The following CEP192 variants were observed in gnomAD, a reference collection of about 807,000 sequenced individuals.
CEP192 encodes centrosomal protein 192, also known as centrosomal protein of 192 kDa.
In CEP192, 151 loss-of-function variants were observed where a neutral mutation model predicts 271.8. The ratio of observed to expected loss-of-function variants is 0.56; its 90% confidence interval spans 0.49 to 0.64. The LOEUF (loss-of-function observed/expected upper bound fraction) is 0.64. CEP192 is among the 30% of genes least tolerant of loss of function. The pLI is 0.00. For missense variants in CEP192, 2,910 were observed against 3,020.5 expected (o/e 0.96, Z 0.86); for synonymous variants, 995 against 1,076.5 (o/e 0.92, Z 1.48).
chr18:13,029,065 C>A (rs1159473650), intron 9 of CEP192, among the ~76,000 whole-genome samples: 8 of 152,160 alleles, frequency 5.3e-5, no homozygotes, highest in African/African-American at 1.9e-4. Context: ...AGCCAAATGT[C>A]CACTAACAGT....
intron 3 of CEP192, 127 bp from the exon 4 acceptor site, chr18:13,008,329 A>G: frequency 2.9e-6 from 2 of 684,408 alleles, no homozygotes; most frequent in Non-Finnish European, 4.9e-6. Flanking sequence ...CTAGACTCAA[A>G]TGTTTCTTTT....
At chr18:13,054,692 T>C (rs948701576) in intron 18 of CEP192, among the ~76,000 whole-genome samples, 2 of 152,240 alleles carry the variant, frequency 1.3e-5, no homozygotes, top group Non-Finnish European at 2.9e-5. Flanking sequence ...TGGATACATA[T>C]TATTTGTTAT....
chr18:13,044,102 C>G (rs1051455817), intron 15 of CEP192, among the ~76,000 whole-genome samples: 1 of 151,984 alleles, frequency 6.6e-6, no homozygotes, highest in Non-Finnish European at 1.5e-5. Flanking sequence ...TGTTTCTTAA[C>G]TTTATTTTCT....
intron 11 of CEP192, among the ~76,000 whole-genome samples, chr18:13,036,156 A>AG (rs2035904108): frequency 6.6e-6 from 1 of 151,440 alleles, no homozygotes; most frequent in Non-Finnish European, 1.5e-5. Flanking sequence ...AAAAAAAAAA[A>AG]AAGTGTTTTG....
intron 9 of CEP192, chr18:13,024,349 C>G (rs1315099516): frequency 2.2e-6 from 1 of 456,166 alleles, no homozygotes. Context: ...GTATATCTTT[C>G]TCCATCCATT....
intron 1 of CEP192, among the ~76,000 whole-genome samples, chr18:12,991,744 T>C (rs1441629605): frequency 6.6e-6 from 1 of 152,252 alleles, no homozygotes; most frequent in African/African-American, 2.4e-5. Flanking sequence ...TCCTCCCCTC[T>C]TGTCTGGGGA....
Position 13,019,207 on chromosome 18 carries a change from G to T in CEP192, c.1050+1G>T. 1 of 1,494,864 alleles carries T rather than the reference G, an allele frequency of 6.7e-7. No homozygotes were observed. The highest frequency in any genetic ancestry group is 8.9e-7 in the Non-Finnish European group (1 of 1,126,462). 92.6% of individuals were successfully genotyped at this position (1,494,864 alleles called of 1,614,324 possible). A position where few individuals can be genotyped will look rare whatever the true frequency, so the allele number is the denominator to read the frequency against. On this transcript the variant is annotated splice_donor_variant, in intron 9 of 44. Coordinates refer to ENST00000506447, the MANE Select transcript of CEP192 (RefSeq NM_032142.4). LOFTEE classifies it high-confidence loss of function. ...GGGTATTGTTCCAGATCTTAACAGT[G>T]TAAGTTATGCATTTTTCTTAGATTT...
chr18:13,085,496 T>A (rs112514684), intron 30 of CEP192, among the ~76,000 whole-genome samples: 3 of 152,104 alleles, frequency 2.0e-5, no homozygotes, highest in Admixed American at 6.5e-5. Context: ...TGGTATTGCC[T>A]AGGTTTTCTT....
At chr18:13,089,593 T>A (rs376969504) in intron 33 of CEP192, 28 bp downstream of exon 33, 60 of 1,112,762 alleles carry the variant, frequency 5.4e-5, no homozygotes, top group Non-Finnish European at 8.1e-5. Context: ...TCTTGATGTA[T>A]TAAATCTTTT....
intron 4 of CEP192, among the ~76,000 whole-genome samples, chr18:13,009,435 A>AT (rs890667256): frequency 2.9e-4 from 44 of 152,136 alleles, no homozygotes; most frequent in Middle Eastern, 3.4e-3. Context: ...TTCTAAGCCT[A>AT]TTTTTTTTAT....
chr18:13,023,144 A>G (rs1200927815), intron 9 of CEP192, among the ~76,000 whole-genome samples: 1 of 152,126 alleles, frequency 6.6e-6, no homozygotes, highest in South Asian at 2.1e-4. Flanking sequence ...TTTCTTCCCA[A>G]TCTATATACA....
At chr18:13,060,746 G>A (rs1047583269) in intron 21 of CEP192, among the ~76,000 whole-genome samples, 1 of 151,926 alleles carries the variant, frequency 6.6e-6, no homozygotes, top group African/African-American at 2.4e-5. Context: ...AACATAGTGA[G>A]ACCATGTCTC....
rs563248173 is a variant in CEP192, at chr18:13,057,680, C to G, written c.4204C>G (p.Arg1402Gly). The change falls in exon 20 of 45, where the codon CGC (arginine) becomes GGC (glycine). Residue 1402 changes from arginine to glycine, a missense_variant. Coordinates refer to ENST00000506447, the MANE Select transcript of CEP192 (RefSeq NM_032142.4). ...CCTCAGTGTGCTTAATCCAACTGACCGCTGGCTGCAAGTCAGCATTGGGGT... is the reference window on the plus strand; with the variant it reads ...CCTCAGTGTGCTTAATCCAACTGACGGCTGGCTGCAAGTCAGCATTGGGGT... The part of the protein sequence containing the change: ...TLLSVLNPTD[R>G]WLQVSIGVLS... 3.1e-6 allele frequency: 5 copies of G among 1,614,028 alleles called. No homozygotes were observed. The South Asian group carries it at 4.4e-5, about 14-fold the overall frequency.
intron 7 of CEP192, 80 bp from the exon 8 acceptor site, chr18:13,018,400 T>C (rs1316475301): frequency 1.3e-5 from 11 of 869,232 alleles, no homozygotes; most frequent in Non-Finnish European, 1.8e-5. Flanking sequence ...CTGGCATCCT[T>C]CAGTAAAGCC....
In CEP192 at chr18:13,069,874, T is replaced by C. The variant is rs769038340; in HGVS notation, c.5174+18T>C. ...GAGGAAAGGTAATATAAAAATGTTATAATGGACCGGGCACAGTGGCTCATG... is the reference window on the plus strand; with the variant it reads ...GAGGAAAGGTAATATAAAAATGTTACAATGGACCGGGCACAGTGGCTCATG... On this transcript the variant is annotated intron_variant, in intron 27 of 44. Transcript: ENST00000506447. The C allele has an allele frequency of 7.0e-7, 1 of 1,436,812 alleles. No individual in the cohort carries two copies. Among genetic ancestry groups the C allele is most frequent in the Non-Finnish European group, 9.8e-7 (1 of 1,020,612 alleles). 89.0% of individuals were successfully genotyped at this position (1,436,812 alleles called of 1,614,324 possible).
chr18:13,123,646 C>G (rs547084), intron 44 of CEP192, among the ~76,000 whole-genome samples: 103,797 of 152,022 alleles, frequency 0.68, 36,073 homozygotes, highest in African/African-American at 0.81. Context: ...TAAGCCTAGA[C>G]GTTGATGACA....
intron 5 of CEP192, among the ~76,000 whole-genome samples, chr18:13,015,008 G>A (rs958899710): frequency 4.5e-4 from 69 of 152,054 alleles, no homozygotes; most frequent in Admixed American, 4.0e-3. Flanking sequence ...TCACTTTCTC[G>A]TAAGCCTTGT....
chr18:13,030,914 G>A (rs1030305162), intron 11 of CEP192, among the ~76,000 whole-genome samples: 1 of 152,150 alleles, frequency 6.6e-6, no homozygotes, highest in Non-Finnish European at 1.5e-5. Flanking sequence ...TTTAAAATTT[G>A]TGACCTGAGC....
chr18:13,017,382 A>G (rs1168618363), intron 7 of CEP192, 46 bp downstream of exon 7: 1 of 1,393,616 alleles, frequency 7.2e-7, no homozygotes, highest in Non-Finnish European at 9.6e-7. Context: ...ACATTAGAAA[A>G]TTACTATTGG....
Sources: gnomAD v4.1 joint callset for allele counts (sites outside exome capture counted in the v4.1 genomes callset) on GRCh38, gnomAD v4.1.1 for gene constraint, MANE v1.5 for transcripts, NCBI Gene and HGNC (gene_info 2026-07-23, HGNC 2026-07-21) for gene names.